Variants in EIF4G3 observed in about 807,000 individuals in gnomAD.
EIF4G3 encodes the protein eIF-4-gamma 3.
EIF4G3 carries 34 observed loss-of-function variants against 186.4 expected under a neutral mutation model. That is an observed-to-expected ratio of 0.18 (90% CI 0.14 to 0.24). The LOEUF (loss-of-function observed/expected upper bound fraction) is 0.24. EIF4G3 is among the 10% of genes least tolerant of loss of function. EIF4G3 has a pLI of 1.00. For synonymous variants in EIF4G3, 673 were observed against 679.5 expected (o/e 0.99, Z 0.15); for missense variants, 1,536 against 1,948.5 (o/e 0.79, Z 3.99).
chr1:20,934,402 G>A (rs1469671979), intron 14 of EIF4G3, among the ~76,000 whole-genome samples: 2 of 152,130 alleles, frequency 1.3e-5, no homozygotes, highest in Non-Finnish European at 2.9e-5. Flanking sequence ...CAGACAATAA[G>A]AAGGTGGTAG....
Position 20,864,719 on chromosome 1 carries a change from T to C in EIF4G3, c.2770-7A>G. On this transcript the variant is annotated splice_polypyrimidine_tract_variant and splice_region_variant and intron_variant, in intron 21 of 36. Transcript: ENST00000602326. Reference sequence around the variant, plus strand: ...GCCTTGTCCTCTCCTCTGGCTGTTGTGTAAGGAGGAATAATAGCATCTTGA... The same window carrying C: ...GCCTTGTCCTCTCCTCTGGCTGTTGCGTAAGGAGGAATAATAGCATCTTGA... 6.2e-7 allele frequency: 1 copy of C among 1,606,474 alleles called. No individual in the cohort carries two copies. The highest frequency in any genetic ancestry group is 1.1e-5 in the South Asian group (1 of 90,788).
chr1:20,885,843 AG>A (rs752250998), intron 19 of EIF4G3, among the ~76,000 whole-genome samples: 1 of 152,250 alleles, frequency 6.6e-6, no homozygotes, highest in Non-Finnish European at 1.5e-5. Flanking sequence ...AGGCCTGACA[AG>A]GAACATAAAG....
In EIF4G3 at chr1:20,862,210, A is replaced by ATT; in HGVS notation, c.3111+16_3111+17dup. The ATT allele has an allele frequency of 3.8e-6, 5 of 1,300,728 alleles. No individual in the cohort carries two copies. Among genetic ancestry groups the ATT allele is most frequent in the Non-Finnish European group, 5.4e-6 (5 of 925,512 alleles). The allele number at this position is 1,300,728 out of a possible 1,614,324, so 80.6% of individuals were successfully genotyped here. A position where few individuals can be genotyped will look rare whatever the true frequency, so the allele number is the denominator to read the frequency against. ...AGACTGGACCAGCAGGCTTATTATT[A>ATT]TTTTTTTTCCCACTCACCAGCCTTA... On this transcript the variant is annotated intron_variant, in intron 23 of 36. Coordinates refer to ENST00000602326, the MANE Select transcript of EIF4G3 (RefSeq NM_001391906.1).
At chr1:21,142,717 T>A (rs539557834) in intron 2 of EIF4G3, among the ~76,000 whole-genome samples, 19 of 152,316 alleles carry the variant, frequency 1.2e-4, no homozygotes, top group African/African-American at 4.6e-4. Context: ...TCATACATTT[T>A]GATCTGCTTC....
intron 18 of EIF4G3, among the ~76,000 whole-genome samples, chr1:20,887,031 T>C (rs1478538358): frequency 2.0e-5 from 3 of 152,218 alleles, no homozygotes; most frequent in Non-Finnish European, 4.4e-5. Flanking sequence ...CAGAGTAAGT[T>C]AAAAGTTGCA....
intron 3 of EIF4G3, among the ~76,000 whole-genome samples, chr1:21,078,335 G>A (rs907404774): frequency 6.6e-6 from 1 of 152,096 alleles, no homozygotes; most frequent in African/African-American, 2.4e-5. Context: ...GATGTTACAT[G>A]AAATAAGCCA....
At chr1:20,940,258 A>T (rs2154562208) in intron 14 of EIF4G3, among the ~76,000 whole-genome samples, 1 of 152,310 alleles carries the variant, frequency 6.6e-6, no homozygotes, top group East Asian at 1.9e-4. Context: ...ATGAATACTG[A>T]TGTCAATGGA....
intron 4 of EIF4G3, among the ~76,000 whole-genome samples, chr1:21,040,063 A>G (rs1397695447): frequency 1.3e-5 from 2 of 152,144 alleles, no homozygotes; most frequent in Non-Finnish European, 2.9e-5. Flanking sequence ...ACTTCTAAAA[A>G]CCTTAGAATC....
intron 30 of EIF4G3, among the ~76,000 whole-genome samples, chr1:20,830,880 C>T (rs999313711): frequency 2.6e-5 from 4 of 152,018 alleles, no homozygotes; most frequent in African/African-American, 9.7e-5. Context: ...GTTTACAGTT[C>T]TTAAATCCTG....
intron 3 of EIF4G3, among the ~76,000 whole-genome samples, chr1:21,065,644 C>G (rs2095205929): frequency 6.6e-6 from 1 of 151,940 alleles, no homozygotes; most frequent in African/African-American, 2.4e-5. Context: ...AATTCTGGCT[C>G]TACTATACAG....
At chr1:21,141,783 T>C (rs1266846938) in intron 2 of EIF4G3, among the ~76,000 whole-genome samples, 1 of 152,006 alleles carries the variant, frequency 6.6e-6, no homozygotes, top group East Asian at 1.9e-4. Flanking sequence ...TTTTATAACT[T>C]AGTCAGCCGT....
intron 10 of EIF4G3, among the ~76,000 whole-genome samples, chr1:20,979,632 G>A (rs2077545010): frequency 6.6e-6 from 1 of 152,178 alleles, no homozygotes; most frequent in African/African-American, 2.4e-5. Context: ...GGTGGAAGAT[G>A]TCAGAACTCT....
chr1:21,095,109 C>T (rs776465635), intron 2 of EIF4G3, among the ~76,000 whole-genome samples: 1 of 152,128 alleles, frequency 6.6e-6, no homozygotes, highest in Non-Finnish European at 1.5e-5. Context: ...ATGTATATTA[C>T]TTAACACGCC....
intron 2 of EIF4G3, among the ~76,000 whole-genome samples, chr1:21,157,327 G>C (rs552488647): frequency 6.6e-6 from 1 of 151,382 alleles, no homozygotes; most frequent in Non-Finnish European, 1.5e-5. Flanking sequence ...TTCTGATCTC[G>C]TACCTCCATT....
At chr1:21,090,861 T>C (rs1034053350) in intron 2 of EIF4G3, among the ~76,000 whole-genome samples, 2 of 152,164 alleles carry the variant, frequency 1.3e-5, no homozygotes, top group African/African-American at 4.8e-5. Context: ...TACTGATTTA[T>C]AGGTAAAATA....
intron 2 of EIF4G3, among the ~76,000 whole-genome samples, chr1:21,136,416 C>G (rs537139027): frequency 6.6e-6 from 1 of 151,774 alleles, no homozygotes; most frequent in Non-Finnish European, 1.5e-5. Flanking sequence ...ACTCTGGAGG[C>G]TGAGGCAGGA....
intron 18 of EIF4G3, among the ~76,000 whole-genome samples, chr1:20,891,768 C>T (rs1313344395): frequency 6.8e-6 from 1 of 147,176 alleles, no homozygotes; most frequent in Non-Finnish European, 1.5e-5. Flanking sequence ...CCAGCCTGGG[C>T]GACAGAGCGA....
intron 2 of EIF4G3, among the ~76,000 whole-genome samples, chr1:21,132,747 C>A (rs963825149): frequency 6.6e-6 from 1 of 151,592 alleles, no homozygotes; most frequent in Non-Finnish European, 1.5e-5. Context: ...GCTTTCATAG[C>A]TTTTAAAACT....
intron 3 of EIF4G3, among the ~76,000 whole-genome samples, chr1:21,067,246 C>T (rs1173361084): frequency 6.7e-6 from 1 of 150,188 alleles, no homozygotes; most frequent in African/African-American, 2.5e-5. Flanking sequence ...GATTCTCCTG[C>T]CTCAGCCTCC....
Sources: allele counts gnomAD v4.1 joint callset (sites outside exome capture counted in the v4.1 genomes callset), GRCh38; gene constraint gnomAD v4.1.1; transcripts MANE v1.5; gene names NCBI Gene and HGNC (gene_info 2026-07-23, HGNC 2026-07-21).